Variants in TANC2 observed in about 807,000 individuals in gnomAD.
TANC2 encodes the protein protein TANC2.
In TANC2, 26 loss-of-function variants were observed where a neutral mutation model predicts 210.5. The observed-to-expected ratio is 0.12, with a 90% CI of 0.09 to 0.17. TANC2 has a LOEUF of 0.17. TANC2 is among the 10% of genes least tolerant of loss of function. The pLI is 1.00. For missense variants in TANC2, 2,129 were observed against 2,608.9 expected (o/e 0.82, Z 4.01); for synonymous variants, 931 against 967.1 (o/e 0.96, Z 0.69).
intron 11 of TANC2, among the ~76,000 whole-genome samples, chr17:63,321,403 T>C (rs1262238687): frequency 1.3e-5 from 2 of 151,128 alleles, no homozygotes; most frequent in Non-Finnish European, 2.9e-5. Flanking sequence ...GCTGTCTCCT[T>C]CTTTTTATAG....
chr17:63,131,232 A>T (rs1025739542), intron 4 of TANC2, among the ~76,000 whole-genome samples: 1 of 152,238 alleles, frequency 6.6e-6, no homozygotes, highest in Admixed American at 6.5e-5. Flanking sequence ...AGTTTCATAA[A>T]GTAAAATATT....
chr17:63,200,141 A>G lies in TANC2; in HGVS notation c.583-630A>G, dbSNP rs552375739. 9.7e-4 allele frequency among the ~76,000 whole-genome samples: 148 copies of G among 152,034 alleles called. No individual in the cohort carries two copies. The South Asian group carries it at 0.012, about 12-fold the overall frequency. On this transcript the variant is annotated intron_variant, in intron 6 of 27. Coordinates refer to ENST00000689528, the Ensembl canonical transcript of TANC2. ...GAGGTTGAGGCGGGTGGATCACCTG[A>G]GGTCAGGAGTTCGAGACCACCCTGG...
At chr17:63,070,212 ATAAACT>A (rs1286965004) in intron 2 of TANC2, among the ~76,000 whole-genome samples, 2 of 152,338 alleles carry the variant, frequency 1.3e-5, no homozygotes, top group East Asian at 1.9e-4. Flanking sequence ...AATAAAAACC[ATAAACT>A]TAAGGGGAAA....
chr17:63,048,724 T>G (rs985333386), intron 2 of TANC2, among the ~76,000 whole-genome samples: 1 of 152,078 alleles, frequency 6.6e-6, no homozygotes, highest in African/African-American at 2.4e-5. Flanking sequence ...TGTTCTCTCT[T>G]ATAAATGGGA....
intron 14 of TANC2, among the ~76,000 whole-genome samples, chr17:63,355,774 A>G (rs756111435): frequency 8.5e-5 from 13 of 152,204 alleles, no homozygotes; most frequent in Non-Finnish European, 1.6e-4. Flanking sequence ...GAATCATTTC[A>G]AAGTTTTTAT....
At chr17:63,032,580 A>G (rs956653101) in intron 2 of TANC2, among the ~76,000 whole-genome samples, 5 of 152,266 alleles carry the variant, frequency 3.3e-5, no homozygotes, top group Non-Finnish European at 7.4e-5. Context: ...CGACTGAACT[A>G]CATGATTGAT....
rs1370792562 is a variant in TANC2, at chr17:63,389,444, A to G, written c.2951A>G (p.Asn984Ser). The stretch of plus-strand genomic sequence containing the variant: ...GCCCTGCTGCTGGAGTTCGGGGCCA[A>G]CGTGGATGCCTCTTCTGAAAGTGGC... The change falls in exon 17 of 28, where the codon AAC becomes AGC. Residue 984 changes from asparagine (N) to serine (S), a missense_variant. Coordinates refer to ENST00000689528, the Ensembl canonical transcript of TANC2. 1.2e-6 allele frequency: 2 copies of G among 1,613,860 alleles called. No individual in the cohort carries two copies.
intron 9 of TANC2, among the ~76,000 whole-genome samples, chr17:63,280,877 A>G (rs1261557752): frequency 1.3e-5 from 2 of 152,098 alleles, no homozygotes; most frequent in Non-Finnish European, 2.9e-5. Context: ...GAGAATTTTT[A>G]AGCTAAAAAT....
intron 2 of TANC2, among the ~76,000 whole-genome samples, chr17:63,043,475 C>T (rs993751761): frequency 2.0e-5 from 3 of 152,082 alleles, no homozygotes; most frequent in African/African-American, 4.8e-5. Flanking sequence ...TCATTTTACT[C>T]ATTTAACAGA....
chr17:63,201,168 A>G (rs1045754245), intron 7 of TANC2, among the ~76,000 whole-genome samples: 5 of 152,106 alleles, frequency 3.3e-5, no homozygotes, highest in African/African-American at 1.2e-4. Flanking sequence ...TTATCAGGAT[A>G]TTCCCTGATA....
chr17:63,028,717 T>C (rs1261131443), intron 2 of TANC2, among the ~76,000 whole-genome samples: 1 of 152,158 alleles, frequency 6.6e-6, no homozygotes, highest in Non-Finnish European at 1.5e-5. Context: ...TGCCTTTAGT[T>C]CAAAATAATC....
intron 16 of TANC2, 79 bp downstream of exon 16, chr17:63,388,836 T>A: frequency 9.0e-7 from 1 of 1,107,692 alleles, no homozygotes; most frequent in Non-Finnish European, 1.2e-6. Flanking sequence ...TAAGTAGCTA[T>A]TTAGTTGATC....
intron 4 of TANC2, among the ~76,000 whole-genome samples, chr17:63,112,423 G>A (rs2038085998): frequency 6.6e-6 from 1 of 152,164 alleles, no homozygotes; most frequent in South Asian, 2.1e-4. Flanking sequence ...CAAGAAAAAT[G>A]TCTAACATTG....
At chr17:63,082,610 G>A (rs1046033665) in intron 3 of TANC2, among the ~76,000 whole-genome samples, 3 of 152,146 alleles carry the variant, frequency 2.0e-5, no homozygotes, top group African/African-American at 2.4e-5. Context: ...TTTTCTGATC[G>A]TCCTATGAAT....
At chr17:62,979,375 A>G (rs939112047) in intron 1 of TANC2, among the ~76,000 whole-genome samples, 8 of 151,960 alleles carry the variant, frequency 5.3e-5, no homozygotes, top group African/African-American at 1.9e-4. Flanking sequence ...GCATGTTAAC[A>G]GTTTTGGTCT....
chr17:63,111,785 G>T (rs957608950), intron 4 of TANC2, among the ~76,000 whole-genome samples: 5 of 152,024 alleles, frequency 3.3e-5, no homozygotes, highest in Non-Finnish European at 7.4e-5. Context: ...GAGTGCAGTG[G>T]CACAATCTCA....
At chr17:63,286,428 TA>T (rs1411777501) in intron 9 of TANC2, among the ~76,000 whole-genome samples, 1 of 152,224 alleles carries the variant, frequency 6.6e-6, no homozygotes, top group Non-Finnish European at 1.5e-5. Flanking sequence ...AATTTAAAAC[TA>T]CAGATCCACT....
chr17:63,113,903 G>A (rs2038150826), intron 4 of TANC2, among the ~76,000 whole-genome samples: 2 of 152,180 alleles, frequency 1.3e-5, no homozygotes, highest in African/African-American at 4.8e-5. Flanking sequence ...AGTTATACCA[G>A]AGTTGGTTGA....
intron 8 of TANC2, among the ~76,000 whole-genome samples, chr17:63,239,884 A>G (rs1313773908): frequency 6.6e-6 from 1 of 152,138 alleles, no homozygotes; most frequent in Non-Finnish European, 1.5e-5. Context: ...CACAGGGGGA[A>G]CAAGCACCTC....
Sources: gnomAD v4.1 joint callset for allele counts (sites outside exome capture counted in the v4.1 genomes callset) on GRCh38, gnomAD v4.1.1 for gene constraint, MANE v1.5 for transcripts, NCBI Gene and HGNC (gene_info 2026-07-23, HGNC 2026-07-21) for gene names.